RNASE4: variants seen among roughly 807,000 people sequenced by gnomAD.
The protein encoded by RNASE4 is ribonuclease 4.
For synonymous variants in RNASE4, 93 were observed against 71.4 expected (o/e 1.30, Z -1.52); for missense variants, 194 against 192.8 (o/e 1.01, Z -0.04).
At position 20,699,758 on chromosome 14, in the gene RNASE4, A is replaced by G; in HGVS notation, c.387A>G (p.Arg129=). 1 of 1,612,078 alleles carries G rather than the reference A, an allele frequency of 6.2e-7. No individual in the cohort carries two copies. The highest frequency in any genetic ancestry group is 8.5e-7 in the Non-Finnish European group (1 of 1,180,020). ...GATATCGGGCCATAGCGAGCACTAG[A>G]CGTGTTGTCATTGCCTGTGAGGGTA... ...NCRYRAIAST[R]RVVIACEGNP... The change falls in exon 2 of 2, where the codon AGA becomes AGG. Residue 129 remains arginine, a synonymous_variant. Coordinates refer to ENST00000555835, the MANE Select transcript of RNASE4 (RefSeq NM_002937.5).
At chr14:20,690,517 T>C (rs2139011671) in intron 1 of RNASE4, among the ~76,000 whole-genome samples, 1 of 152,282 alleles carries the variant, frequency 6.6e-6, no homozygotes, top group African/African-American at 2.4e-5. Context: ...AGGGAGCAGA[T>C]GTTAGATATT....
At chr14:20,695,102 T>C (rs1362365635) in intron 1 of RNASE4, among the ~76,000 whole-genome samples, 1 of 152,116 alleles carries the variant, frequency 6.6e-6, no homozygotes, top group African/African-American at 2.4e-5. Flanking sequence ...TTTGGGGAAG[T>C]TATAGAAGAT....
At chr14:20,693,542 C>G (rs372622387) in intron 1 of RNASE4, 1 of 1,610,212 alleles carries the variant, frequency 6.2e-7, no homozygotes, top group South Asian at 1.1e-5. Flanking sequence ...TTTTGCCCTC[C>G]GCAGGAGCCT....
At chr14:20,697,724 G>C (rs1887140433) in intron 1 of RNASE4, among the ~76,000 whole-genome samples, 1 of 152,204 alleles carries the variant, frequency 6.6e-6, no homozygotes, top group African/African-American at 2.4e-5. Context: ...CAAACTAGGA[G>C]TTCAACTGGG....
intron 1 of RNASE4, among the ~76,000 whole-genome samples, chr14:20,695,451 T>A (rs374178692): frequency 6.6e-5 from 10 of 152,126 alleles, no homozygotes; most frequent in African/African-American, 2.4e-4. Flanking sequence ...TTATTCTTCC[T>A]CAATTCTCAA....
rs117592031 is a variant in RNASE4, at chr14:20,688,526, A to C, written c.-18+3768A>C. 9.5e-4 allele frequency: 167 copies of C among 175,718 alleles called. 3 individuals are homozygous for C. In the East Asian group the frequency reaches 0.029, roughly 31 times the overall value. 10.9% of individuals were successfully genotyped at this position (175,718 alleles called of 1,614,324 possible). Reference sequence around the variant, plus strand: ...GGGAAACCTCAGTCCTGCCATGAACAAGAGTAAGCACCACAGACAGCAGAA... The same window carrying C: ...GGGAAACCTCAGTCCTGCCATGAACCAGAGTAAGCACCACAGACAGCAGAA... On this transcript the variant is annotated intron_variant, in intron 1 of 1. Coordinates refer to ENST00000555835, the MANE Select transcript of RNASE4 (RefSeq NM_002937.5).
chr14:20,690,259 G>GA (rs1333025760), intron 1 of RNASE4, among the ~76,000 whole-genome samples: 5 of 131,270 alleles, frequency 3.8e-5, no homozygotes, highest in Non-Finnish European at 6.7e-5. Context: ...GAAAAGAAAA[G>GA]AAAAAAAGGA....
At chr14:20,691,660 G>A (rs1327545019) in intron 1 of RNASE4, among the ~76,000 whole-genome samples, 1 of 152,156 alleles carries the variant, frequency 6.6e-6, no homozygotes. Context: ...GACAAATGTC[G>A]GTGCGGACAA....
chr14:20,695,408 A>C (rs867361419), intron 1 of RNASE4, among the ~76,000 whole-genome samples: 2 of 151,914 alleles, frequency 1.3e-5, no homozygotes, highest in African/African-American at 4.8e-5. Context: ...AAAAAAAAAA[A>C]AAGAAAGATC....
chr14:20,689,620 C>G (rs536799136), intron 1 of RNASE4, among the ~76,000 whole-genome samples: 1 of 152,280 alleles, frequency 6.6e-6, no homozygotes, highest in South Asian at 2.1e-4. Flanking sequence ...TAAAGTTACT[C>G]TAAAGAACAG....
rs1011717178 is a variant in RNASE4 at position 20,700,287 on chromosome 14, A to C, written c.*472A>C. The C allele has an allele frequency of 1.2e-5, 2 of 167,822 alleles. No individual in the cohort carries two copies. The highest frequency in any genetic ancestry group is 1.3e-4 in the Admixed American group (2 of 15,372). The allele number at this position is 167,822 out of a possible 1,614,324, so 10.4% of individuals were successfully genotyped here. ...TGGCCACTTATCCAGGGCTTTTTCT[A>C]CTTCATCACAAGGAATGTTTTGAAA... is the stretch of plus-strand genomic sequence containing the variant. On this transcript the variant is annotated 3_prime_UTR_variant, in exon 2 of 2. Transcript: ENST00000555835.
intron 1 of RNASE4, among the ~76,000 whole-genome samples, chr14:20,691,597 C>T (rs1594206994): frequency 1.3e-5 from 2 of 152,336 alleles, no homozygotes; most frequent in East Asian, 3.9e-4. Context: ...CCCAAGAACA[C>T]ACTTTCAGCA....
At position 20,699,279 on chromosome 14, in the gene RNASE4, G is replaced by A. The variant is rs111424862; in HGVS notation, c.-17-76G>A. On this transcript the variant is annotated intron_variant, in intron 1 of 1. Coordinates refer to ENST00000555835, the MANE Select transcript of RNASE4 (RefSeq NM_002937.5). ...GAGGAGACTATGGAGTCAGGATGCC[G>A]GCTTGCTATTCTCAACACCTTTTTC... is the stretch of plus-strand genomic sequence containing the variant. 1.5e-3 allele frequency: 1,858 copies of A among 1,273,686 alleles called. 14 individuals carry two copies. In the African/African-American group the frequency reaches 0.022, roughly 15 times the overall value. 78.9% of individuals were successfully genotyped at this position (1,273,686 alleles called of 1,614,324 possible). A position where few individuals can be genotyped will look rare whatever the true frequency, so the allele number is the denominator to read the frequency against.
In RNASE4 at chr14:20,699,588, T is replaced by C; in HGVS notation, c.217T>C (p.Phe73Leu). ...TLYHCKRFNT[F>L]IHEDIWNIRS... ...GTATCACTGCAAGCGCTTCAACACC[T>C]TCATCCATGAAGATATCTGGAACAT... Residue 73 changes from phenylalanine (F) to leucine (L), a missense_variant, in exon 2 of 2, where the codon TTC becomes CTC. Transcript: ENST00000555835. 6.2e-7 allele frequency: 1 copy of C among 1,614,114 alleles called. No homozygotes were observed. Among genetic ancestry groups the C allele is most frequent in the Non-Finnish European group, 8.5e-7 (1 of 1,180,038 alleles).
chr14:20,692,929 G>C (rs974271615), intron 1 of RNASE4, among the ~76,000 whole-genome samples: 4 of 152,048 alleles, frequency 2.6e-5, no homozygotes, highest in Non-Finnish European at 5.9e-5. Context: ...CTCACTGCAA[G>C]CTCCGCCTCC....
intron 1 of RNASE4, among the ~76,000 whole-genome samples, chr14:20,693,002 T>G (rs554968728): frequency 6.6e-6 from 1 of 151,346 alleles, no homozygotes; most frequent in East Asian, 1.9e-4. Flanking sequence ...CGCCCGCCAC[T>G]ACGCCCGGCT....
At position 20,699,707 on chromosome 14, in the gene RNASE4, A is replaced by C. The variant is rs1285384287; in HGVS notation, c.336A>C (p.Thr112=). 1 of 1,609,928 alleles carries C rather than the reference A, an allele frequency of 6.2e-7. No individual in the cohort carries two copies. ...GVVKVTDCRD[T]GSSRAPNCRY... is the part of the protein sequence containing the mutation. ...TGAAGGTCACAGATTGCAGGGACAC[A>C]GGAAGTTCCAGGGCACCCAACTGCA... The change falls in exon 2 of 2, where the codon ACA becomes ACC. Residue 112 remains threonine, a synonymous_variant. Coordinates refer to ENST00000555835, the MANE Select transcript of RNASE4 (RefSeq NM_002937.5).
In RNASE4 at chr14:20,699,794, G is replaced by T. The variant is rs776266884; in HGVS notation, c.423G>T (p.Val141=). The T allele has an allele frequency of 8.7e-6, 14 of 1,612,448 alleles. No individual in the cohort carries two copies. In the South Asian group the frequency reaches 1.3e-4, roughly 15 times the overall value. ...TTGCCTGTGAGGGTAACCCACAGGT[G>T]CCTGTGCACTTTGACGGTTAGATGC... ...VVIACEGNPQ[V]PVHFDG The change falls in exon 2 of 2, where the codon GTG becomes GTT. Residue 141 remains valine (V), a synonymous_variant. Coordinates refer to ENST00000555835, the MANE Select transcript of RNASE4 (RefSeq NM_002937.5).
At position 20,699,475 on chromosome 14, in the gene RNASE4, G is replaced by C. The variant is rs771952196; in HGVS notation, c.104G>C (p.Arg35Pro). The change falls in exon 2 of 2, where the codon CGA becomes CCA. Residue 35 changes from arginine to proline, a missense_variant. Coordinates refer to ENST00000555835, the MANE Select transcript of RNASE4 (RefSeq NM_002937.5). ...TATGGCCAGGATGGCATGTACCAGC[G>C]ATTCCTGCGGCAACACGTGCACCCT... ...PSYGQDGMYQ[R>P]FLRQHVHPEE... 3 of 1,613,928 alleles carry C rather than the reference G, an allele frequency of 1.9e-6. No homozygotes were observed. The highest frequency in any genetic ancestry group is 2.5e-6 in the Non-Finnish European group (3 of 1,180,036).
Sources: allele counts gnomAD v4.1 joint callset (sites outside exome capture counted in the v4.1 genomes callset), GRCh38; gene constraint gnomAD v4.1.1; transcripts MANE v1.5; gene names NCBI Gene and HGNC (gene_info 2026-07-23, HGNC 2026-07-21).